AKAP9: variants seen among roughly 807,000 people sequenced by gnomAD.
AKAP9 encodes A-kinase anchoring protein 9, also known as A-kinase anchor protein 9.
AKAP9 carries 311 observed loss-of-function variants against 488.5 expected under a neutral mutation model. The ratio of observed to expected loss-of-function variants is 0.64; its 90% CI spans 0.58 to 0.70. The LOEUF (loss-of-function observed/expected upper bound fraction) is 0.70, where lower values mean the gene tolerates loss of function less well. Among genes scored for constraint, AKAP9 ranks in the 30% least tolerant of loss-of-function variants. The pLI, the probability that AKAP9 is intolerant of heterozygous loss-of-function variation, is 0.00. For missense variants in AKAP9, 4,215 were observed against 4,374.5 expected, an observed-to-expected ratio of 0.96 and a Z score of 1.03; for synonymous variants, 1,462 against 1,483.5, an observed-to-expected ratio of 0.99 and a Z score of 0.33.
rs138161478 is a variant in AKAP9 at position 92,001,016 on chromosome 7, G to A, written c.1099G>A (p.Val367Met). The stretch of plus-strand genomic sequence containing the variant: ...ACTAGGAGAATTACAAGAACAGATT[G>A]TGCAAAAGAACCAAGAAATAAAAAA... ...KLLGELQEQI[V>M]QKNQEIKNMK... The change falls in exon 8 of 50, where the codon GTG (valine) becomes ATG (methionine). Residue 367 changes from valine (V) to methionine (M), a missense_variant. Transcript: ENST00000356239. 583 of 1,565,676 alleles carry A rather than the reference G, an allele frequency of 3.7e-4. 1 individual carries two copies. Among genetic ancestry groups the A allele is most frequent in the Non-Finnish European group, 4.1e-4 (480 of 1,156,644 alleles).
chr7:92,081,739 TC>T (rs1813624942), intron 31 of AKAP9, among the ~76,000 whole-genome samples: 1 of 152,002 alleles, frequency 6.6e-6, no homozygotes, highest in Admixed American at 6.6e-5. Context: ...CGCAGTTATT[TC>T]TTAGCATATG....
chr7:92,102,110 C>G (rs185959938), intron 45 of AKAP9, among the ~76,000 whole-genome samples: 41 of 151,540 alleles, frequency 2.7e-4, no homozygotes, highest in African/African-American at 9.2e-4. Context: ...GAGCCGAGAT[C>G]ACGCCACTAA....
In AKAP9 at chr7:92,093,334, A is replaced by T. The variant is rs1242611861; in HGVS notation, c.9578+18A>T. The T allele has an allele frequency of 6.2e-7, 1 of 1,606,774 alleles. No homozygotes were observed. Among genetic ancestry groups the T allele is most frequent in the South Asian group, 1.1e-5 (1 of 90,860 alleles). ...GCTTTCAGGTGTGCCAGGCTTCCTTATTAAAAACATGTAACAAGGAGTGGG... is the reference window on the plus strand; with the variant it reads ...GCTTTCAGGTGTGCCAGGCTTCCTTTTTAAAAACATGTAACAAGGAGTGGG... On this transcript the variant is annotated intron_variant, in intron 39 of 49. Coordinates refer to ENST00000356239, the MANE Select transcript of AKAP9 (RefSeq NM_005751.5).
At chr7:91,954,814 C>T (rs1452464005) in intron 1 of AKAP9, among the ~76,000 whole-genome samples, 2 of 152,148 alleles carry the variant, frequency 1.3e-5, no homozygotes, top group Non-Finnish European at 2.9e-5. Flanking sequence ...GACTTTAGGA[C>T]CCACTAACAT....
In AKAP9 at chr7:92,101,030, C is replaced by T; in HGVS notation, c.11071C>T (p.Pro3691Ser). The T allele has an allele frequency of 6.2e-7, 1 of 1,613,844 alleles. No individual in the cohort carries two copies. The highest frequency in any genetic ancestry group is 8.5e-7 in the Non-Finnish European group (1 of 1,180,016). Residue 3691 changes from proline (P) to serine (S), a missense_variant, in exon 45 of 50, where the codon CCT (proline) becomes TCT (serine). By Grantham distance (74) the Pro-to-Ser change is moderately conservative. Around this residue, in one of 5 missense-constraint regions of AKAP9, gnomAD observed 253 missense variants for 266.8 expected, o/e 0.95. Transcript: ENST00000356239. ...TGACTCTTTACTTCAAACTCTGAGCCCTGATTCTGAACATGTCACTTTAAA... is the reference window on the plus strand; with the variant it reads ...TGACTCTTTACTTCAAACTCTGAGCTCTGATTCTGAACATGTCACTTTAAA... ...RNDSLLQTLS[P>S]DSEHVTLKRI...
chr7:91,994,670 A>G lies in AKAP9; in HGVS notation c.626A>G (p.Gln209Arg), dbSNP rs766316369. 6.2e-7 allele frequency: 1 copy of G among 1,613,530 alleles called. No homozygotes were observed. The highest frequency in any genetic ancestry group is 8.5e-7 in the Non-Finnish European group (1 of 1,179,688). The change falls in exon 6 of 50, where the codon CAG (glutamine) becomes CGG (arginine). Residue 209 changes from glutamine (Q) to arginine (R), a missense_variant. By Grantham distance (43) the Gln-to-Arg change is conservative. Coordinates refer to ENST00000356239, the MANE Select transcript of AKAP9 (RefSeq NM_005751.5). ...AIKQRDGIIT[Q>R]LTANLQQARR... Reference sequence around the variant, plus strand: ...AAACAAAGAGATGGCATTATAACCCAGCTCACTGCTAATTTACAACAAGCA... The same window carrying G: ...AAACAAAGAGATGGCATTATAACCCGGCTCACTGCTAATTTACAACAAGCA...
chr7:92,042,618 C>T (rs1370436382), intron 19 of AKAP9, 50 bp from the exon 20 acceptor site: 1 of 1,329,382 alleles, frequency 7.5e-7, no homozygotes, highest in East Asian at 2.3e-5. Flanking sequence ...TCCAAGTTGA[C>T]AGGTTTTCTT....
chr7:91,956,767 G>A (rs1259018569), intron 1 of AKAP9, among the ~76,000 whole-genome samples: 1 of 152,110 alleles, frequency 6.6e-6, no homozygotes, highest in Non-Finnish European at 1.5e-5. Context: ...GTTATAAATT[G>A]AGACTGAAAA....
chr7:92,085,577 C>A lies in AKAP9; in HGVS notation c.8915C>A (p.Ser2972Tyr), dbSNP rs768882659. 1 of 1,613,800 alleles carries A rather than the reference C, an allele frequency of 6.2e-7. No homozygotes were observed. Among genetic ancestry groups the A allele is most frequent in the East Asian group, 2.2e-5 (1 of 44,876 alleles). ...CCCTATAGTGATGGAGAGGACCATT[C>A]TATTCAGCAGGTTTCAGAACCTTGG... The part of the protein sequence containing the change: ...ESPYSDGEDH[S>Y]IQQVSEPWLE... Residue 2972 changes from serine to tyrosine, a missense_variant, in exon 36 of 50, where the codon TCT becomes TAT. Transcript: ENST00000356239.
chr7:92,078,959 A>T (rs1717945123), intron 30 of AKAP9, 120 bp from the exon 31 acceptor site: 1 of 623,178 alleles, frequency 1.6e-6, no homozygotes, highest in African/African-American at 1.8e-5. Flanking sequence ...TATGTCTGAG[A>T]AGTAGTGTAT....
At chr7:91,972,315 C>T (rs2130557536) in intron 1 of AKAP9, among the ~76,000 whole-genome samples, 1 of 152,232 alleles carries the variant, frequency 6.6e-6, no homozygotes, top group Admixed American at 6.5e-5. Flanking sequence ...ATATTTCTCC[C>T]TTCAGATATT....
At chr7:92,080,472 C>T (rs1407219204) in intron 31 of AKAP9, among the ~76,000 whole-genome samples, 1 of 151,980 alleles carries the variant, frequency 6.6e-6, no homozygotes, top group South Asian at 2.1e-4. Context: ...GTGGTGGGTG[C>T]CTGTAGTCCC....
At chr7:91,975,925 G>GTTTT (rs34121912) in intron 2 of AKAP9, among the ~76,000 whole-genome samples, 1 of 73,724 alleles carries the variant, frequency 1.4e-5, no homozygotes, top group African/African-American at 5.6e-5. Flanking sequence ...TTGTTTGTTT[G>GTTTT]TTTTTTTTTT....
chr7:91,963,482 T>TCACACACACACACACACA (rs56800758), intron 1 of AKAP9, among the ~76,000 whole-genome samples: 10 of 139,232 alleles, frequency 7.2e-5, no homozygotes, highest in Admixed American at 1.5e-4. Context: ...AACATATTTG[T>TCACACACACACACACACA]CACACACACA....
chr7:92,080,601 A>C (rs1269703948), intron 31 of AKAP9, among the ~76,000 whole-genome samples: 2 of 52,260 alleles, frequency 3.8e-5, no homozygotes, highest in Non-Finnish European at 7.9e-5. Context: ...CTCCATCTCA[A>C]AAAAAAAAAA....
intron 46 of AKAP9, among the ~76,000 whole-genome samples, chr7:92,104,277 G>A (rs1300184378): frequency 3.3e-5 from 5 of 149,610 alleles, no homozygotes; most frequent in South Asian, 2.1e-4. Flanking sequence ...TGCAAGCTCC[G>A]CCTCCCGGGT....
intron 48 of AKAP9, among the ~76,000 whole-genome samples, chr7:92,108,215 AAC>A (rs1818843880): frequency 6.6e-6 from 1 of 152,214 alleles, no homozygotes; most frequent in Non-Finnish European, 1.5e-5. Context: ...TGAAAAGCTT[AAC>A]AGTCTTCATG....
intron 16 of AKAP9, 111 bp downstream of exon 16, chr7:92,031,715 T>G: frequency 1.2e-6 from 1 of 847,712 alleles, no homozygotes; most frequent in African/African-American, 1.7e-5. Flanking sequence ...CATATATAGT[T>G]CATCTTTAAG....
At chr7:92,078,032 T>C (rs1370553853) in intron 30 of AKAP9, among the ~76,000 whole-genome samples, 157 bp downstream of exon 30, 1 of 152,134 alleles carries the variant, frequency 6.6e-6, no homozygotes, top group Non-Finnish European at 1.5e-5. Flanking sequence ...AATCTCGCTC[T>C]GTCGCCCAGG....
Sources: allele counts gnomAD v4.1 joint callset (sites outside exome capture counted in the v4.1 genomes callset), GRCh38; gene constraint gnomAD v4.1.1; regional missense constraint gnomAD v4.1.1; transcripts MANE v1.5; gene names NCBI Gene and HGNC (gene_info 2026-07-23, HGNC 2026-07-21).